Variants in NR2C1 observed in about 807,000 individuals in gnomAD.
NR2C1 encodes nuclear receptor subfamily 2 group C member 1.
In NR2C1, 33 loss-of-function variants were observed where a neutral mutation model predicts 74.8. The observed-to-expected ratio is 0.44, with a 90% CI of 0.33 to 0.59. The LOEUF (loss-of-function observed/expected upper bound fraction) is 0.59. NR2C1 is among the 20% of genes least tolerant of loss of function. The probability of loss-of-function intolerance (pLI) is 0.02; values close to 1 mark genes in which losing one functional copy is unlikely to be tolerated. For missense variants in NR2C1, 568 were observed against 715.6 expected (o/e 0.79, Z 2.35); for synonymous variants, 225 against 240.6 (o/e 0.94, Z 0.60).
chr12:95,058,577 T>C (rs1045540929), intron 4 of NR2C1, 88 bp from the exon 5 acceptor site: 22 of 1,026,220 alleles, frequency 2.1e-5, no homozygotes, highest in Middle Eastern at 3.0e-4. Flanking sequence ...TTAAACAACA[T>C]ATAAGATGAA....
chr12:95,051,804 A>G lies in NR2C1; in HGVS notation c.923T>C (p.Leu308Ser), dbSNP rs371487418. The change falls in exon 8 of 14, where the codon TTG becomes TCG. Residue 308 changes from leucine (L) to serine (S), a missense_variant. Coordinates refer to ENST00000333003, the MANE Select transcript of NR2C1 (RefSeq NM_003297.4). ...GGTCTGCATTTCTTGAAATTCACAC[A>G]AAGAGGTATCATCATTGCTTAAGCT... is the stretch of plus-strand genomic sequence containing the variant. ...IESLSNDDTS[L>S]CEFQEMQTNG... 1.4e-5 allele frequency: 23 copies of G among 1,607,766 alleles called. No homozygotes were observed. The highest frequency in any genetic ancestry group is 1.9e-5 in the Non-Finnish European group (22 of 1,178,716).
Position 95,055,083 on chromosome 12 carries a change from G to A in NR2C1, c.783+2470C>T, listed in dbSNP as rs561560021. ...GCACAGGGTTGGGGGTAAGGTCACC[G>A]ATCAACAGGATCCCAAGGCAGAAGA... is the stretch of plus-strand genomic sequence containing the variant. On this transcript the variant is annotated intron_variant, in intron 7 of 13. Transcript: ENST00000333003. Among the ~76,000 whole-genome samples, 15 of 152,298 alleles carry A rather than the reference G, an allele frequency of 9.8e-5. No homozygotes were observed. In the South Asian group the frequency reaches 2.5e-3, roughly 25 times the overall value.
chr12:95,059,828 GGTA>G (rs1874480471), intron 4 of NR2C1, 75 bp downstream of exon 4: 1 of 940,102 alleles, frequency 1.1e-6, no homozygotes, highest in Non-Finnish European at 1.6e-6. Flanking sequence ...ATGGTAGTGT[GGTA>G]GTTATTTCAA....
chr12:95,048,330 T>G (rs1204941100), intron 9 of NR2C1, among the ~76,000 whole-genome samples: 1 of 152,246 alleles, frequency 6.6e-6, no homozygotes, highest in East Asian at 1.9e-4. Flanking sequence ...CTGGGTCTTA[T>G]TGATTACGAT....
chr12:95,030,062 G>A (rs1241447835), intron 11 of NR2C1, among the ~76,000 whole-genome samples: 1 of 152,088 alleles, frequency 6.6e-6, no homozygotes, highest in African/African-American at 2.4e-5. Context: ...TTTCTGTAGA[G>A]GTGGGGTACC....
intron 3 of NR2C1, 41 bp downstream of exon 3, chr12:95,062,467 T>TA (rs1874924373): frequency 7.2e-7 from 1 of 1,385,664 alleles, no homozygotes; most frequent in Non-Finnish European, 9.9e-7. Context: ...AATTTTTTTT[T>TA]TATATATGTA....
At chr12:95,040,869 T>C (rs755180878) in intron 9 of NR2C1, among the ~76,000 whole-genome samples, 19 of 152,340 alleles carry the variant, frequency 1.2e-4, no homozygotes, top group Middle Eastern at 6.8e-3. Context: ...ACTTCCTGTC[T>C]TGGTCTAACA....
At chr12:95,027,407 A>G (rs959203517) in intron 12 of NR2C1, among the ~76,000 whole-genome samples, 1 of 152,164 alleles carries the variant, frequency 6.6e-6, no homozygotes, top group Non-Finnish European at 1.5e-5. Flanking sequence ...TCATACCCAT[A>G]TAAATGTCTA....
chr12:95,067,621 G>T (rs1875920469), intron 1 of NR2C1, among the ~76,000 whole-genome samples: 1 of 151,270 alleles, frequency 6.6e-6, no homozygotes, highest in African/African-American at 2.4e-5. Context: ...GGAGTGTAGG[G>T]GGCACCATCA....
chr12:95,045,420 G>A (rs1413141940), intron 9 of NR2C1, among the ~76,000 whole-genome samples: 2 of 152,028 alleles, frequency 1.3e-5, no homozygotes. Context: ...GCTGGTACCA[G>A]CACACAGGAC....
chr12:95,063,497 T>C (rs1875109692), intron 2 of NR2C1, among the ~76,000 whole-genome samples: 1 of 152,100 alleles, frequency 6.6e-6, no homozygotes, highest in Non-Finnish European at 1.5e-5. Context: ...ATGTGTGAAA[T>C]GGAGAGCCAC....
chr12:95,022,534 A>C (rs1011258120), intron 13 of NR2C1, 131 bp from the exon 14 acceptor site: 1 of 775,962 alleles, frequency 1.3e-6, no homozygotes, highest in Non-Finnish European at 2.1e-6. Flanking sequence ...TAAAATCAAA[A>C]CTTTAGTATT....
intron 4 of NR2C1, among the ~76,000 whole-genome samples, chr12:95,058,752 C>G (rs703692): frequency 0.32 from 47,937 of 151,948 alleles, 8,252 homozygotes; most frequent in African/African-American, 0.45. Context: ...ATATCCCCAA[C>G]TAGCTGGGAC....
intron 9 of NR2C1, among the ~76,000 whole-genome samples, chr12:95,046,766 T>C (rs1872370572): frequency 6.6e-6 from 1 of 152,100 alleles, no homozygotes; most frequent in Non-Finnish European, 1.5e-5. Context: ...ATGTAAGGTC[T>C]TGAAACCCAT....
At chr12:95,038,603 C>A (rs1592740831) in intron 10 of NR2C1, among the ~76,000 whole-genome samples, 1 of 152,160 alleles carries the variant, frequency 6.6e-6, no homozygotes, top group Admixed American at 6.6e-5. Context: ...ACTAAAAATA[C>A]AAAAATTAGC....
intron 9 of NR2C1, among the ~76,000 whole-genome samples, chr12:95,043,476 G>A (rs543171461): frequency 2.1e-3 from 312 of 152,144 alleles, no homozygotes; most frequent in African/African-American, 7.1e-3. Context: ...ATCACTTGAG[G>A]TCAGGAGTTC....
At chr12:95,041,256 G>A (rs1871489157) in intron 9 of NR2C1, among the ~76,000 whole-genome samples, 1 of 152,144 alleles carries the variant, frequency 6.6e-6, no homozygotes, top group African/African-American at 2.4e-5. Flanking sequence ...GGGAGGTGGA[G>A]ACAGGTGGAT....
chr12:95,046,231 T>G (rs1872295429), intron 9 of NR2C1, among the ~76,000 whole-genome samples: 1 of 152,202 alleles, frequency 6.6e-6, no homozygotes, highest in Admixed American at 6.5e-5. Flanking sequence ...CTACCAAGAT[T>G]GCTTTGAACA....
rs1234308228 is a variant in NR2C1 at position 95,054,500 on chromosome 12, C to T, written c.784-2557G>A. 2.6e-5 allele frequency among the ~76,000 whole-genome samples: 4 copies of T among 151,942 alleles called. 1 individual carries two copies. Among genetic ancestry groups the T allele is most frequent in the South Asian group, 4.2e-4 (2 of 4,810 alleles). ...TTTTTTATTTTTAGAGACAGAGTCTCGCTATGTTTCCCAGGTTGGTCTCAA... is the reference window on the plus strand; with the variant it reads ...TTTTTTATTTTTAGAGACAGAGTCTTGCTATGTTTCCCAGGTTGGTCTCAA... On this transcript the variant is annotated intron_variant, in intron 7 of 13. Coordinates refer to ENST00000333003, the MANE Select transcript of NR2C1 (RefSeq NM_003297.4).
Sources: allele counts gnomAD v4.1 joint callset (sites outside exome capture counted in the v4.1 genomes callset), GRCh38; gene constraint gnomAD v4.1.1; transcripts MANE v1.5; gene names NCBI Gene and HGNC (gene_info 2026-07-23, HGNC 2026-07-21).